Variants in GALNT13 observed in about 807,000 individuals in gnomAD.
GALNT13 encodes the protein polypeptide N-acetylgalactosaminyltransferase 13, also known as UDP-GalNAc:polypeptide N-acetylgalactosaminyltransferase 13.
A neutral mutation model predicts 64.2 loss-of-function variants in GALNT13; 28 were observed. That is an observed-to-expected ratio of 0.44 (90% CI 0.32 to 0.60). GALNT13 has a LOEUF of 0.60. Ranked by LOEUF, GALNT13 falls within the 20% of genes least tolerant of loss-of-function variation. The pLI is 0.05. For missense variants in GALNT13, 577 were observed against 669.8 expected (o/e 0.86, Z 1.53); for synonymous variants, 214 against 224.6 (o/e 0.95, Z 0.42).
chr2:154,336,682 A>T (rs1051488594), intron 9 of GALNT13, among the ~76,000 whole-genome samples: 4 of 152,062 alleles, frequency 2.6e-5, no homozygotes, highest in African/African-American at 9.7e-5. Flanking sequence ...ACAAAGGTCA[A>T]ATTTATTTTC....
At chr2:153,937,845 G>A (rs1274109175) in intron 2 of GALNT13, among the ~76,000 whole-genome samples, 2 of 152,322 alleles carry the variant, frequency 1.3e-5, no homozygotes, top group African/African-American at 4.8e-5. Flanking sequence ...GTAAGATGAT[G>A]ATTAAGAATT....
At chr2:153,803,389 T>A in the GALNT13 span, among the ~76,000 whole-genome samples, 1 of 152,060 alleles carries the variant, frequency 6.6e-6, no homozygotes, top group Non-Finnish European at 1.5e-5. Flanking sequence ...ATAGAATTGG[T>A]GGCCTCATAA....
At chr2:153,238,651 G>T in the GALNT13 span, among the ~76,000 whole-genome samples, 1 of 152,018 alleles carries the variant, frequency 6.6e-6, no homozygotes, top group Non-Finnish European at 1.5e-5. Context: ...TAGGTGTGTA[G>T]ATTTCTCTGT....
chr2:153,895,158 A>C (rs1402852247), intron 1 of GALNT13, among the ~76,000 whole-genome samples: 2 of 152,134 alleles, frequency 1.3e-5, no homozygotes, highest in Admixed American at 1.3e-4. Context: ...CCATTGATTA[A>C]AATGGCATTA....
the GALNT13 span, among the ~76,000 whole-genome samples, chr2:153,338,650 CTT>C: frequency 6.6e-6 from 1 of 152,280 alleles, no homozygotes; most frequent in Admixed American, 6.5e-5. Context: ...AATCTACTCT[CTT>C]AGCAATTTTC....
chr2:153,940,134 T>A (rs1691233171), intron 2 of GALNT13, among the ~76,000 whole-genome samples: 1 of 152,170 alleles, frequency 6.6e-6, no homozygotes, highest in Admixed American at 6.6e-5. Flanking sequence ...TAAAAGGCAT[T>A]TATTTAGCAT....
chr2:153,606,102 G>A, the GALNT13 span, among the ~76,000 whole-genome samples: 3 of 152,108 alleles, frequency 2.0e-5, no homozygotes, highest in Non-Finnish European at 2.9e-5. Flanking sequence ...TGCAAGAGCA[G>A]CAAGCACCCA....
chr2:154,260,624 G>C (rs571347732), intron 8 of GALNT13, among the ~76,000 whole-genome samples: 1 of 152,140 alleles, frequency 6.6e-6, no homozygotes, highest in Non-Finnish European at 1.5e-5. Context: ...CTTGCCTTCA[G>C]GTCCATGGAC....
the GALNT13 span, among the ~76,000 whole-genome samples, chr2:153,105,692 G>A: frequency 4.6e-5 from 7 of 152,198 alleles, no homozygotes; most frequent in South Asian, 6.2e-4. Context: ...CAAAATCAAT[G>A]TACAAAAATC....
intron 3 of GALNT13, among the ~76,000 whole-genome samples, chr2:153,966,524 C>T (rs938570164): frequency 1.3e-5 from 2 of 151,910 alleles, no homozygotes; most frequent in African/African-American, 4.8e-5. Flanking sequence ...CGCCAAAACG[C>T]CTGGCTAATT....
chr2:154,203,905 G>C (rs186763468), intron 4 of GALNT13, among the ~76,000 whole-genome samples: 1 of 152,132 alleles, frequency 6.6e-6, no homozygotes, highest in East Asian at 1.9e-4. Flanking sequence ...AGTGGAATGG[G>C]GTCACTCCTT....
At chr2:154,273,064 GT>G (rs1477583494) in intron 8 of GALNT13, among the ~76,000 whole-genome samples, 1 of 152,120 alleles carries the variant, frequency 6.6e-6, no homozygotes, top group African/African-American at 2.4e-5. Context: ...CCTGGTCTCG[GT>G]TTCCTAGAAC....
At chr2:153,740,457 T>A in the GALNT13 span, among the ~76,000 whole-genome samples, 1 of 152,110 alleles carries the variant, frequency 6.6e-6, no homozygotes, top group East Asian at 1.9e-4. Context: ...ATTCTTACTT[T>A]TTCATTAATT....
At chr2:154,232,979 G>A (rs1420589552) in intron 4 of GALNT13, among the ~76,000 whole-genome samples, 1 of 147,584 alleles carries the variant, frequency 6.8e-6, no homozygotes, top group Non-Finnish European at 1.5e-5. Flanking sequence ...GGCGGAGGTG[G>A]CAGTGAATCA....
intron 11 of GALNT13, among the ~76,000 whole-genome samples, chr2:154,423,453 T>A (rs1700341527): frequency 6.6e-6 from 1 of 152,148 alleles, no homozygotes; most frequent in African/African-American, 2.4e-5. Flanking sequence ...GGTCAAATGG[T>A]ATTTCTAGTT....
the GALNT13 span, among the ~76,000 whole-genome samples, chr2:153,161,973 A>T: frequency 5.9e-5 from 9 of 152,186 alleles, no homozygotes; most frequent in Non-Finnish European, 1.2e-4. Flanking sequence ...TGGTTAGACA[A>T]ATTGCTAAGA....
At chr2:154,175,818 C>T (rs888228570) in intron 4 of GALNT13, among the ~76,000 whole-genome samples, 1 of 152,142 alleles carries the variant, frequency 6.6e-6, no homozygotes, top group African/African-American at 2.4e-5. Context: ...TAATCCCAGA[C>T]ACTTGCAACT....
chr2:153,794,028 T>C, the GALNT13 span, among the ~76,000 whole-genome samples: 2 of 152,166 alleles, frequency 1.3e-5, no homozygotes, highest in African/African-American at 4.8e-5. Flanking sequence ...GGTAGAAGGA[T>C]TGTTCCTTTT....
chr2:154,444,544 A>AGCT (rs979037393), intron 12 of GALNT13, among the ~76,000 whole-genome samples: 6 of 152,124 alleles, frequency 3.9e-5, no homozygotes, highest in Admixed American at 1.3e-4. Flanking sequence ...AAGAAGTGTT[A>AGCT]GCTGCTGCTG....
Sources: allele counts gnomAD v4.1 joint callset (sites outside exome capture counted in the v4.1 genomes callset), GRCh38; gene constraint gnomAD v4.1.1; transcripts MANE v1.5; gene names NCBI Gene and HGNC (gene_info 2026-07-23, HGNC 2026-07-21).